The following INPP4B variants were observed in gnomAD, a reference collection of about 807,000 sequenced individuals.
INPP4B encodes inositol polyphosphate-4-phosphatase type II B.
In INPP4B, 55 loss-of-function variants were observed where a neutral mutation model predicts 122.5. The ratio of observed to expected loss-of-function variants is 0.45; its 90% CI spans 0.36 to 0.56. The LOEUF (loss-of-function observed/expected upper bound fraction) is 0.56. Ranked by LOEUF, INPP4B falls within the 20% of genes least tolerant of loss-of-function variation. The pLI is 0.00. For synonymous variants in INPP4B, 403 were observed against 388.7 expected (o/e 1.04, Z -0.43); for missense variants, 1,000 against 1,097.7 (o/e 0.91, Z 1.26).
At chr4:142,398,587 GCTT>G (rs1182149878) in intron 7 of INPP4B, among the ~76,000 whole-genome samples, 1 of 149,916 alleles carries the variant, frequency 6.7e-6, no homozygotes, top group African/African-American at 2.4e-5. Context: ...TTAGACTTAA[GCTT>G]CTTAAGAAGC....
At chr4:142,582,177 A>G (rs1317892758) in intron 2 of INPP4B, among the ~76,000 whole-genome samples, 1 of 141,452 alleles carries the variant, frequency 7.1e-6, no homozygotes, top group African/African-American at 2.5e-5. Context: ...TGCTGAAAAC[A>G]TAATCATCTA....
intron 2 of INPP4B, among the ~76,000 whole-genome samples, chr4:142,595,556 T>C (rs1284664461): frequency 6.6e-6 from 1 of 152,208 alleles, no homozygotes; most frequent in Non-Finnish European, 1.5e-5. Flanking sequence ...TTTATGTTTA[T>C]CCAGCAAAAA....
intron 2 of INPP4B, among the ~76,000 whole-genome samples, chr4:142,545,850 G>T (rs1829584369): frequency 2.1e-5 from 3 of 140,376 alleles, no homozygotes; most frequent in East Asian, 2.0e-4. Context: ...ATGGTCTGTT[G>T]TTCAAATAAT....
chr4:142,134,752 A>T (rs1342627054), intron 18 of INPP4B, among the ~76,000 whole-genome samples: 1 of 147,752 alleles, frequency 6.8e-6, no homozygotes, highest in Non-Finnish European at 1.5e-5. Flanking sequence ...AGCTGAGATC[A>T]CACCATTGCA....
chr4:142,544,197 A>C (rs1829288801), intron 2 of INPP4B, among the ~76,000 whole-genome samples: 1 of 147,544 alleles, frequency 6.8e-6, no homozygotes, highest in Non-Finnish European at 1.5e-5. Context: ...CTTCCTGTAA[A>C]GTCTACAGGA....
chr4:142,452,150 G>A (rs1245559232), intron 3 of INPP4B, among the ~76,000 whole-genome samples: 1 of 152,152 alleles, frequency 6.6e-6, no homozygotes, highest in East Asian at 1.9e-4. Flanking sequence ...GAGAACATGT[G>A]GTGTTTGGTT....
chr4:142,143,210 T>C (rs536711995), intron 18 of INPP4B, among the ~76,000 whole-genome samples: 1 of 152,192 alleles, frequency 6.6e-6, no homozygotes, highest in East Asian at 1.9e-4. Context: ...CCTGGACATA[T>C]TTTTGTCACA....
intron 3 of INPP4B, among the ~76,000 whole-genome samples, chr4:142,458,492 T>G (rs956419953): frequency 6.6e-6 from 1 of 152,000 alleles, no homozygotes; most frequent in Non-Finnish European, 1.5e-5. Flanking sequence ...TATGGTATTA[T>G]TTATTTTAAT....
intron 7 of INPP4B, among the ~76,000 whole-genome samples, chr4:142,341,430 T>TCAGG (rs5862586): frequency 2.0e-5 from 3 of 151,710 alleles, no homozygotes; most frequent in Non-Finnish European, 2.9e-5. Context: ...GGCATTTGAG[T>TCAGG]AACATTTAGC....
intron 8 of INPP4B, among the ~76,000 whole-genome samples, chr4:142,311,126 G>A (rs993549286): frequency 1.3e-5 from 2 of 152,048 alleles, no homozygotes; most frequent in Admixed American, 1.3e-4. Flanking sequence ...CTCTGTCCTC[G>A]GCCAAGAGCT....
chr4:142,664,140 A>G (rs1276008891), intron 2 of INPP4B, among the ~76,000 whole-genome samples: 1 of 152,148 alleles, frequency 6.6e-6, no homozygotes, highest in African/African-American at 2.4e-5. Flanking sequence ...GTTTGGGCCC[A>G]ATTAGGAAGA....
At chr4:142,136,006 C>T (rs558544663) in intron 18 of INPP4B, among the ~76,000 whole-genome samples, 185 of 152,284 alleles carry the variant, frequency 1.2e-3, no homozygotes, top group Non-Finnish European at 2.1e-3. Context: ...ACCGTGTTAG[C>T]CAGGATGGTC....
At chr4:142,171,519 T>G (rs1251389090) in intron 16 of INPP4B, among the ~76,000 whole-genome samples, 1 of 151,896 alleles carries the variant, frequency 6.6e-6, no homozygotes, top group Non-Finnish European at 1.5e-5. Flanking sequence ...TATATTTAAA[T>G]TTAGAATACC....
At chr4:142,499,205 G>A (rs1823033797) in intron 2 of INPP4B, among the ~76,000 whole-genome samples, 1 of 152,048 alleles carries the variant, frequency 6.6e-6, no homozygotes. Flanking sequence ...TCTATCTAGG[G>A]AGCTGAAACT....
intron 3 of INPP4B, among the ~76,000 whole-genome samples, chr4:142,449,269 G>T (rs1196997268): frequency 6.6e-6 from 1 of 152,116 alleles, no homozygotes; most frequent in African/African-American, 2.4e-5. Context: ...AAGACCCATG[G>T]ATCTAGCAAG....
chr4:142,157,887 A>C (rs1349064268), intron 17 of INPP4B, among the ~76,000 whole-genome samples: 1 of 151,934 alleles, frequency 6.6e-6, no homozygotes, highest in Non-Finnish European at 1.5e-5. Flanking sequence ...TTTTTCTCTT[A>C]GCACATGGTT....
intron 23 of INPP4B, among the ~76,000 whole-genome samples, chr4:142,087,005 A>G (rs534755058): frequency 6.6e-6 from 1 of 152,296 alleles, no homozygotes; most frequent in Admixed American, 6.5e-5. Context: ...GACACATGAA[A>G]TCAGTTGCTA....
chr4:142,492,600 T>C (rs1372180425), intron 2 of INPP4B, among the ~76,000 whole-genome samples: 3 of 152,196 alleles, frequency 2.0e-5, no homozygotes, highest in Non-Finnish European at 4.4e-5. Flanking sequence ...AAGGTCACTC[T>C]TGCTATGCAA....
chr4:142,832,218 C>T (rs1467811812), intron 1 of INPP4B, among the ~76,000 whole-genome samples: 1 of 151,982 alleles, frequency 6.6e-6, no homozygotes, highest in Non-Finnish European at 1.5e-5. Flanking sequence ...ATAAAATGAC[C>T]GTGTAAATGA....
Sources: gnomAD v4.1 joint callset for allele counts (sites outside exome capture counted in the v4.1 genomes callset) on GRCh38, gnomAD v4.1.1 for gene constraint, MANE v1.5 for transcripts, NCBI Gene and HGNC (gene_info 2026-07-23, HGNC 2026-07-21) for gene names.